The following RNF4 variants were observed in gnomAD, a reference collection of about 807,000 sequenced individuals.
RNF4 encodes the protein ring finger protein 4, also known as E3 ubiquitin-protein ligase RNF4.
Under a neutral mutation model 24.3 loss-of-function variants are expected in RNF4, and 7 were observed. The observed-to-expected ratio is 0.29, with a 90% confidence interval of 0.16 to 0.54. The LOEUF (loss-of-function observed/expected upper bound fraction) is 0.54, where lower values mean the gene tolerates loss of function less well. Among genes scored for constraint, RNF4 ranks in the 20% least tolerant of loss-of-function variants. The pLI, the probability that RNF4 is intolerant of heterozygous loss-of-function variation, is 0.95. For synonymous variants in RNF4, 83 were observed against 84.3 expected (o/e 0.98, Z 0.09); for missense variants, 209 against 248.5 (o/e 0.84, Z 1.07).
intron 3 of RNF4, chr4:2,499,361 T>C: frequency 2.3e-6 from 1 of 440,512 alleles, no homozygotes; most frequent in South Asian, 1.6e-5. Flanking sequence ...GCGTGATCTT[T>C]GCATCCCGGG....
intron 4 of RNF4, among the ~76,000 whole-genome samples, chr4:2,504,126 G>T (rs1735996705): frequency 6.6e-6 from 1 of 152,190 alleles, no homozygotes; most frequent in African/African-American, 2.4e-5. Flanking sequence ...GGAATTCAAA[G>T]CCCCTGAAAA....
chr4:2,485,486 A>G (rs1004278619), intron 1 of RNF4, among the ~76,000 whole-genome samples: 1 of 151,950 alleles, frequency 6.6e-6, no homozygotes, highest in Non-Finnish European at 1.5e-5. Context: ...GGTGTCTCAC[A>G]CCCTGCTTTT....
chr4:2,496,706 A>G (rs949811309), intron 2 of RNF4, among the ~76,000 whole-genome samples: 2 of 151,912 alleles, frequency 1.3e-5, no homozygotes, highest in African/African-American at 4.8e-5. Flanking sequence ...TGATTCGCCC[A>G]CCTCAGCCTC....
rs539771451 is a variant in RNF4, at chr4:2,514,799, G to T, written c.*980G>T. ...CCGCTCAGTTCCAGGCTTTTGCCCA[G>T]GTCACTGTTGCCCCATGTTCGGAGA... On this transcript the variant is annotated 3_prime_UTR_variant, in exon 8 of 8. Coordinates refer to ENST00000314289, the MANE Select transcript of RNF4 (RefSeq NM_002938.5). 6.6e-6 allele frequency: 1 copy of T among 152,660 alleles called. No individual in the cohort carries two copies. Among genetic ancestry groups the T allele is most frequent in the African/African-American group, 2.4e-5 (1 of 41,432 alleles). The allele number at this position is 152,660 out of a possible 1,614,324, so 9.5% of individuals were successfully genotyped here.
chr4:2,501,467 A>G (rs1217909115), intron 4 of RNF4, among the ~76,000 whole-genome samples: 1 of 152,158 alleles, frequency 6.6e-6, no homozygotes, highest in Non-Finnish European at 1.5e-5. Flanking sequence ...GGCACCGGTT[A>G]CAGACTGCAG....
chr4:2,477,347 G>A (rs1735108807), intron 1 of RNF4, among the ~76,000 whole-genome samples: 1 of 152,110 alleles, frequency 6.6e-6, no homozygotes, highest in African/African-American at 2.4e-5. Context: ...AGCACTTTGG[G>A]AGGCCAAGGC....
intron 1 of RNF4, among the ~76,000 whole-genome samples, chr4:2,485,102 C>CT (rs1735366518): frequency 1.3e-5 from 2 of 152,158 alleles, no homozygotes; most frequent in Admixed American, 1.3e-4. Context: ...CCTCCTGTCA[C>CT]TTGAGGCCCC....
intron 4 of RNF4, chr4:2,506,247 A>T (rs1200980841): frequency 1.3e-5 from 2 of 151,868 alleles, no homozygotes; most frequent in African/African-American, 4.8e-5. Context: ...GCAGTGGCAC[A>T]GTCTTGGCTC....
At position 2,514,692 on chromosome 4, in the gene RNF4, C is replaced by T. The variant is rs914390758; in HGVS notation, c.*873C>T. On this transcript the variant is annotated 3_prime_UTR_variant, in exon 8 of 8. Transcript: ENST00000314289. ...ATCCATCCCGTGTTTGCCACACGCC[C>T]TCCAGTCCTCAGTTCCCACTGCCTA... is the stretch of plus-strand genomic sequence containing the variant. 15 of 152,768 alleles carry T rather than the reference C, an allele frequency of 9.8e-5. No homozygotes were observed. Among genetic ancestry groups the T allele is most frequent in the African/African-American group, 3.6e-4 (15 of 41,466 alleles). 9.5% of individuals were successfully genotyped at this position (152,768 alleles called of 1,614,324 possible).
rs1386315238 is a variant in RNF4, at chr4:2,514,722, C to T, written c.*903C>T. 1 of 152,760 alleles carries T rather than the reference C, an allele frequency of 6.5e-6. No individual in the cohort carries two copies. The highest frequency in any genetic ancestry group is 1.5e-5 in the Non-Finnish European group (1 of 68,124). The allele number at this position is 152,760 out of a possible 1,614,324, so 9.5% of individuals were successfully genotyped here. A position where few individuals can be genotyped will look rare whatever the true frequency, so the allele number is the denominator to read the frequency against. On this transcript the variant is annotated 3_prime_UTR_variant, in exon 8 of 8. Transcript: ENST00000314289. ...GTCCTCAGTTCCCACTGCCTAACGT[C>T]TGCCCCCGTGTAGATACTGAGAGGT...
chr4:2,475,329 CTTT>C (rs1391541983), intron 1 of RNF4, among the ~76,000 whole-genome samples: 3 of 142,440 alleles, frequency 2.1e-5, no homozygotes, highest in Non-Finnish European at 4.8e-5. Context: ...CCGCACCTGG[CTTT>C]TTGTTTGTTT....
At position 2,469,183 on chromosome 4, in the gene RNF4, C is replaced by T. The variant is rs1360174353; in HGVS notation, c.-233C>T. ...TGGGCGGCTGAAGAAGGAGCTTCTT[C>T]TCCGGAGTGCGCCGGCGGTGGCGCC... is the stretch of plus-strand genomic sequence containing the variant. On this transcript the variant is annotated 5_prime_UTR_variant, in exon 1 of 8. Coordinates refer to ENST00000314289, the MANE Select transcript of RNF4 (RefSeq NM_002938.5). 3 of 152,240 alleles carry T rather than the reference C, an allele frequency of 2.0e-5. No homozygotes were observed. The highest frequency in any genetic ancestry group is 2.9e-5 in the Non-Finnish European group (2 of 68,074). 9.4% of individuals were successfully genotyped at this position (152,240 alleles called of 1,614,324 possible). A position where few individuals can be genotyped will look rare whatever the true frequency, so the allele number is the denominator to read the frequency against.
chr4:2,495,643 G>GGC (rs1377195428), intron 2 of RNF4, among the ~76,000 whole-genome samples: 1 of 145,382 alleles, frequency 6.9e-6, no homozygotes, highest in Non-Finnish European at 1.5e-5. Flanking sequence ...TTTTTTTGGG[G>GGC]GGGGGTGAGA....
chr4:2,482,189 C>A (rs776628990), intron 1 of RNF4, among the ~76,000 whole-genome samples: 1 of 152,196 alleles, frequency 6.6e-6, no homozygotes, highest in African/African-American at 2.4e-5. Flanking sequence ...GTGTGCCCTT[C>A]GAGAATTCCC....
intron 1 of RNF4, among the ~76,000 whole-genome samples, chr4:2,476,845 T>A (rs1287014395): frequency 1.3e-5 from 2 of 151,762 alleles, no homozygotes; most frequent in Non-Finnish European, 2.9e-5. Context: ...AATCTTGTTC[T>A]TTCTCAACTC....
At chr4:2,471,951 C>T (rs147597590) in intron 1 of RNF4, among the ~76,000 whole-genome samples, 41 of 152,160 alleles carry the variant, frequency 2.7e-4, no homozygotes, top group African/African-American at 9.2e-4. Context: ...GCAAGTTATG[C>T]AGAACATATA....
chr4:2,486,032 T>C (rs1242793905), intron 1 of RNF4, among the ~76,000 whole-genome samples: 1 of 152,234 alleles, frequency 6.6e-6, no homozygotes. Context: ...TTTGAGGGTG[T>C]GGGTCTTGGT....
rs1308532804 is a variant in RNF4, at chr4:2,514,509, C to CT, written c.*692dup. The CT allele has an allele frequency of 6.5e-6, 1 of 153,288 alleles. No homozygotes were observed. Among genetic ancestry groups the CT allele is most frequent in the Non-Finnish European group, 1.5e-5 (1 of 68,540 alleles). 9.5% of individuals were successfully genotyped at this position (153,288 alleles called of 1,614,324 possible). On this transcript the variant is annotated 3_prime_UTR_variant, in exon 8 of 8. Coordinates refer to ENST00000314289, the MANE Select transcript of RNF4 (RefSeq NM_002938.5). ...GCACTATTAGTGTCCCCCTCAGAGG[C>CT]TTAATGTTGCCTGTGGAGCAGTGCC...
Position 2,513,656 on chromosome 4 carries a change from T to C in RNF4, c.424-14T>C, listed in dbSNP as rs987046535. The C allele has an allele frequency of 2.5e-6, 4 of 1,612,774 alleles. No homozygotes were observed. In the African/African-American group the frequency reaches 4.0e-5, roughly 16 times the overall value. On this transcript the variant is annotated splice_polypyrimidine_tract_variant and intron_variant, in intron 7 of 7. Transcript: ENST00000314289. ...AGGGCAAACTCGGAGGCTCTTCTTT[T>C]TAATGCCTTCTAGATCGTGCAGAAT...
Sources: allele counts gnomAD v4.1 joint callset (sites outside exome capture counted in the v4.1 genomes callset), GRCh38; gene constraint gnomAD v4.1.1; transcripts MANE v1.5; gene names NCBI Gene and HGNC (gene_info 2026-07-23, HGNC 2026-07-21).